The following WDR35 variants were observed in gnomAD, a reference collection of about 807,000 sequenced individuals.
WDR35 encodes the protein WD repeat-containing protein 35.
Under a neutral mutation model 158.3 loss-of-function variants are expected in WDR35, and 118 were observed. That is an observed-to-expected ratio of 0.75 (90% confidence interval 0.64 to 0.87). WDR35 has a LOEUF of 0.87. Among genes scored for constraint, WDR35 ranks in the 40% least tolerant of loss-of-function variants. The pLI, the probability that WDR35 is intolerant of heterozygous loss-of-function variation, is 0.00. For synonymous variants in WDR35, 448 were observed against 476.1 expected (o/e 0.94, Z 0.77); for missense variants, 1,263 against 1,405.8 (o/e 0.90, Z 1.62).
At position 19,934,024 on chromosome 2, in the gene WDR35, A is replaced by AACCACCACTACC. The variant is rs1670609983; in HGVS notation, c.2548-514_2548-513insGGTAGTGGTGGT. Among the ~76,000 whole-genome samples the AACCACCACTACC allele has an allele frequency of 2.9e-5, 3 of 105,094 alleles. No homozygotes were observed. Among genetic ancestry groups the AACCACCACTACC allele is most frequent in the African/African-American group, 1.2e-4 (3 of 24,182 alleles). The allele number at this position is 105,094 out of a possible 152,430, so 68.9% of individuals were successfully genotyped here. ...TTGGAAAGTGGTGGCAGCGAGGAAG[A>AACCACCACTACC]ACCACCACCACCACCACCACCACCA... On this transcript the variant is annotated intron_variant, in intron 21 of 26. Coordinates refer to ENST00000281405, the MANE Select transcript of WDR35 (RefSeq NM_020779.4). This position sits in a 1 kb window ranked among gnomAD's most constrained non-coding sequence, Gnocchi z 4.6.
chr2:19,914,073 TC>T lies in WDR35; in HGVS notation c.3325del (p.Asp1109IlefsTer48). 6.2e-7 allele frequency: 1 copy of T among 1,614,166 alleles called. No individual in the cohort carries two copies. Among genetic ancestry groups the T allele is most frequent in the Non-Finnish European group, 8.5e-7 (1 of 1,179,986 alleles). On this transcript the variant is annotated frameshift_variant, in exon 26 of 27. Coordinates refer to ENST00000281405, the MANE Select transcript of WDR35 (RefSeq NM_020779.4). LOFTEE classifies it high-confidence loss of function. Reference protein sequence around the residue: ...LEIFTKHTSKDNRKPELDSLM... With the variant: ...LEIFTKHTSKXNRKPELDSLM... ...GCTGTCCAATTCAGGTTTTCTGTTA[TC>T]TTTTGAAGTATGTTTGGTGAAGATT... is the stretch of plus-strand genomic sequence containing the variant.
chr2:19,956,087 T>C (rs1671420469), intron 11 of WDR35, among the ~76,000 whole-genome samples: 1 of 152,150 alleles, frequency 6.6e-6, no homozygotes, highest in African/African-American at 2.4e-5. Context: ...CAGGCTGCGC[T>C]CTCCTTTCCC....
chr2:19,974,481 A>C lies in WDR35; in HGVS notation c.723T>G (p.His241Gln). 1 of 1,608,858 alleles carries C rather than the reference A, an allele frequency of 6.2e-7. No individual in the cohort carries two copies. Among genetic ancestry groups the C allele is most frequent in the Non-Finnish European group, 8.5e-7 (1 of 1,177,614 alleles). ...FDNGRCQIMR[H>Q]ENDQNPVLID... is the part of the protein sequence containing the mutation. ...AAAATTCCTTACTTTGGTCATTCTCATGTCTCATTATTTGGCATCTTCCAT... is the reference window on the plus strand; with the variant it reads ...AAAATTCCTTACTTTGGTCATTCTCCTGTCTCATTATTTGGCATCTTCCAT... Residue 241 changes from histidine to glutamine, a missense_variant, in exon 7 of 27, where the codon CAT (histidine) becomes CAG (glutamine). His to Gln is a conservative substitution (Grantham distance 24). Transcript: ENST00000281405.
chr2:19,936,476 A>C (rs1437607246), intron 19 of WDR35, 111 bp from the exon 20 acceptor site: 1 of 1,485,154 alleles, frequency 6.7e-7, no homozygotes, highest in Non-Finnish European at 9.3e-7. Flanking sequence ...GCAGTGGACA[A>C]TGTGACTCTC....
Position 19,925,056 on chromosome 2 carries a change from C to T in WDR35, c.3121+5340G>A, listed in dbSNP as rs531736183. Among the ~76,000 whole-genome samples, 481 of 152,296 alleles carry T rather than the reference C, an allele frequency of 3.2e-3. 4 individuals carry two copies. Among genetic ancestry groups the T allele is most frequent in the Non-Finnish European group, 5.6e-3 (378 of 68,020 alleles). On this transcript the variant is annotated intron_variant, in intron 25 of 26. Transcript: ENST00000281405. The stretch of plus-strand genomic sequence containing the variant: ...TTTCCAGCTCAGGCCATTCCCTCAC[C>T]CCTGTACAATGTCTGTTCCCCGCCA...
At chr2:19,959,234 G>C (rs1671551454) in intron 11 of WDR35, among the ~76,000 whole-genome samples, 1 of 150,120 alleles carries the variant, frequency 6.7e-6, no homozygotes. Flanking sequence ...TTTACATTTA[G>C]CTTTATTTTA....
In WDR35 at chr2:19,934,043, A is replaced by G. The variant is rs1312292493; in HGVS notation, c.2548-532T>C. On this transcript the variant is annotated intron_variant, in intron 21 of 26. Coordinates refer to ENST00000281405, the MANE Select transcript of WDR35 (RefSeq NM_020779.4). The surrounding 1 kb of genome is among the most constrained non-coding windows in gnomAD (Gnocchi z 4.6). The stretch of plus-strand genomic sequence containing the variant: ...AGGAAGAACCACCACCACCACCACC[A>G]CCACCACCACCACCACCACCACCAC... Among the ~76,000 whole-genome samples the G allele has an allele frequency of 3.1e-5, 4 of 127,562 alleles. No homozygotes were observed. The highest frequency in any genetic ancestry group is 6.6e-5 in the Non-Finnish European group (4 of 60,626). 83.7% of individuals were successfully genotyped at this position (127,562 alleles called of 152,430 possible).
intron 2 of WDR35, among the ~76,000 whole-genome samples, chr2:19,984,465 G>A (rs1672489988): frequency 6.6e-6 from 1 of 152,094 alleles, no homozygotes; most frequent in Admixed American, 6.5e-5. Context: ...TGGTAATACT[G>A]ACATAAATCT....
rs1670609903 is a variant in WDR35, at chr2:19,934,024, A to AACCACAACC, written c.2548-514_2548-513insGGTTGTGGT. ...TTGGAAAGTGGTGGCAGCGAGGAAG[A>AACCACAACC]ACCACCACCACCACCACCACCACCA... On this transcript the variant is annotated intron_variant, in intron 21 of 26. Transcript: ENST00000281405. This position sits in a 1 kb window ranked among gnomAD's most constrained non-coding sequence, Gnocchi z 4.6. Among the ~76,000 whole-genome samples, 1 of 105,072 alleles carries AACCACAACC rather than the reference A, an allele frequency of 9.5e-6. No homozygotes were observed. The highest frequency in any genetic ancestry group is 4.1e-5 in the African/African-American group (1 of 24,134). 68.9% of individuals were successfully genotyped at this position (105,072 alleles called of 152,430 possible). A position where few individuals can be genotyped will look rare whatever the true frequency, so the allele number is the denominator to read the frequency against.
At chr2:19,938,444 T>G (rs948133880) in intron 17 of WDR35, 43 bp from the exon 18 acceptor site, 11 of 1,605,306 alleles carry the variant, frequency 6.9e-6, no homozygotes, top group Non-Finnish European at 9.4e-6. Flanking sequence ...ATATTTGCCG[T>G]TAGAGTATGT....
chr2:19,975,183 A>G (rs1272914939), intron 6 of WDR35, among the ~76,000 whole-genome samples: 6 of 152,206 alleles, frequency 3.9e-5, no homozygotes, highest in Non-Finnish European at 7.3e-5. Context: ...ATCTACATGT[A>G]AACTTTGGCT....
chr2:19,930,384 T>G lies in WDR35; in HGVS notation c.3121+12A>C, dbSNP rs28502265. 163,038 of 1,614,002 alleles carry G rather than the reference T, an allele frequency of 0.1. 9,360 individuals are homozygous for G. The highest frequency in any genetic ancestry group is 0.21 in the South Asian group (18,981 of 91,072). ...TTTCAGACATACTATACACATTAGG[T>G]GACATGCCCACCTGTCTTCAGTGCA... On this transcript the variant is annotated intron_variant, in intron 25 of 26. Transcript: ENST00000281405.
At chr2:19,978,644 C>T (rs1439802180) in intron 5 of WDR35, 107 bp downstream of exon 5, 2 of 1,513,698 alleles carry the variant, frequency 1.3e-6, no homozygotes, top group East Asian at 2.3e-5. Flanking sequence ...CCTTTTATGT[C>T]TATTTTTCAA....
intron 3 of WDR35, 126 bp downstream of exon 3, chr2:19,982,337 C>T (rs1572368548): frequency 1.4e-5 from 13 of 942,886 alleles, no homozygotes; most frequent in Non-Finnish European, 2.0e-5. Flanking sequence ...CCCATCGTAA[C>T]TCAAAGAGCA....
chr2:19,931,825 A>G (rs1430273496), intron 23 of WDR35, among the ~76,000 whole-genome samples: 1 of 152,164 alleles, frequency 6.6e-6, no homozygotes, highest in African/African-American at 2.4e-5. Context: ...ATTTTAAGAG[A>G]TATTTTTCCT....
intron 2 of WDR35, among the ~76,000 whole-genome samples, chr2:19,985,655 G>A (rs1423097698): frequency 4.6e-5 from 7 of 151,318 alleles, no homozygotes; most frequent in South Asian, 2.1e-4. Flanking sequence ...AGGCCCAGGC[G>A]GGCGAGTCAC....
rs536392604 is a variant in WDR35, at chr2:19,911,144, G to A, written c.*2414C>T. 5 of 152,302 alleles carry A rather than the reference G, an allele frequency of 3.3e-5. No homozygotes were observed. The South Asian group carries it at 8.3e-4, about 25-fold the overall frequency. The allele number at this position is 152,302 out of a possible 1,614,324, so 9.4% of individuals were successfully genotyped here. On this transcript the variant is annotated 3_prime_UTR_variant, in exon 27 of 27. Coordinates refer to ENST00000281405, the MANE Select transcript of WDR35 (RefSeq NM_020779.4). Reference sequence around the variant, plus strand: ...AGGCAGCACAGAATTAGGGGGAAATGAGAAGCCTCCAAAAGAGAGTTTCCA... The same window carrying A: ...AGGCAGCACAGAATTAGGGGGAAATAAGAAGCCTCCAAAAGAGAGTTTCCA...
chr2:19,922,563 T>C lies in WDR35; in HGVS notation c.3121+7833A>G, dbSNP rs534820210. ...GGGCAGGAGATCACACACCGGGGCC[T>C]GTAGGGGGTGGGGGGCTGGGGGAGG... is the stretch of plus-strand genomic sequence containing the variant. On this transcript the variant is annotated intron_variant, in intron 25 of 26. Transcript: ENST00000281405. 2.2e-4 allele frequency among the ~76,000 whole-genome samples: 22 copies of C among 101,008 alleles called. No homozygotes were observed. The South Asian group carries it at 7.4e-3, about 34-fold the overall frequency. 66.3% of individuals were successfully genotyped at this position (101,008 alleles called of 152,430 possible). A position where few individuals can be genotyped will look rare whatever the true frequency, so the allele number is the denominator to read the frequency against.
chr2:19,942,295 G>C (rs937509952), intron 16 of WDR35, among the ~76,000 whole-genome samples: 1 of 152,114 alleles, frequency 6.6e-6, no homozygotes, highest in Admixed American at 6.6e-5. Flanking sequence ...CACTATATTT[G>C]TATGTAAGCC....
Sources: gnomAD v4.1 joint callset for allele counts (sites outside exome capture counted in the v4.1 genomes callset) on GRCh38, gnomAD v4.1.1 for gene constraint, Gnocchi (gnomAD v3.1) non-coding constraint, MANE v1.5 for transcripts, NCBI Gene and HGNC (gene_info 2026-07-23, HGNC 2026-07-21) for gene names.